Variants in SSBP2 observed in about 807,000 individuals in gnomAD.
SSBP2 encodes single-stranded DNA-binding protein 2.
A neutral mutation model predicts 61.8 loss-of-function variants in SSBP2; 17 were observed. The observed-to-expected ratio is 0.28, with a 90% CI of 0.19 to 0.41. The LOEUF (loss-of-function observed/expected upper bound fraction) is 0.41, where lower values mean the gene tolerates loss of function less well. Among genes scored for constraint, SSBP2 ranks in the 10% least tolerant of loss-of-function variants. The probability of loss-of-function intolerance (pLI) is 1.00; values close to 1 mark genes in which losing one functional copy is unlikely to be tolerated. For missense variants in SSBP2, 310 were observed against 458.7 expected, an observed-to-expected ratio of 0.68 and a Z score of 2.96; for synonymous variants, 139 against 141.3, an observed-to-expected ratio of 0.98 and a Z score of 0.12.
chr5:81,550,081 C>A (rs1388522481), intron 4 of SSBP2, among the ~76,000 whole-genome samples: 1 of 152,170 alleles, frequency 6.6e-6, no homozygotes, highest in African/African-American at 2.4e-5. Flanking sequence ...AAGACTATAT[C>A]TCACATATTT....
chr5:81,449,808 CACACA>C (rs1763649411), intron 10 of SSBP2, among the ~76,000 whole-genome samples: 1 of 152,152 alleles, frequency 6.6e-6, no homozygotes, highest in Non-Finnish European at 1.5e-5. Flanking sequence ...TTGCCTTACG[CACACA>C]ACACATGTCC....
At chr5:81,441,397 A>G (rs1763025471) in intron 13 of SSBP2, among the ~76,000 whole-genome samples, 1 of 152,218 alleles carries the variant, frequency 6.6e-6, no homozygotes. Context: ...CTAAGGAAAC[A>G]TGGAGCCCAG....
intron 4 of SSBP2, among the ~76,000 whole-genome samples, chr5:81,608,664 TAA>T (rs770617059): frequency 6.6e-6 from 1 of 152,314 alleles, no homozygotes; most frequent in Non-Finnish European, 1.5e-5. Flanking sequence ...TCAAACTTTT[TAA>T]AAGTTTTTGA....
intron 4 of SSBP2, among the ~76,000 whole-genome samples, chr5:81,546,821 C>T (rs1771761094): frequency 6.6e-6 from 1 of 151,538 alleles, no homozygotes. Flanking sequence ...CAAAAGAAAC[C>T]TGCCTTCTAA....
chr5:81,744,707 G>A (rs1432106995), intron 1 of SSBP2, among the ~76,000 whole-genome samples: 2 of 151,856 alleles, frequency 1.3e-5, no homozygotes, highest in African/African-American at 4.8e-5. Flanking sequence ...AAAATTAACA[G>A]AGAAGATCAA....
intron 6 of SSBP2, among the ~76,000 whole-genome samples, chr5:81,482,334 A>G (rs1766054658): frequency 6.6e-6 from 1 of 152,118 alleles, no homozygotes; most frequent in South Asian, 2.1e-4. Context: ...TTACCCCCTA[A>G]TAAGAGAATC....
intron 1 of SSBP2, among the ~76,000 whole-genome samples, chr5:81,678,267 C>A (rs111944839): frequency 1.7e-4 from 26 of 151,938 alleles, no homozygotes; most frequent in Non-Finnish European, 3.5e-4. Context: ...AAAAAAAATG[C>A]GGAATGTCTT....
chr5:81,584,669 T>C (rs986835497), intron 4 of SSBP2, among the ~76,000 whole-genome samples: 6 of 152,088 alleles, frequency 3.9e-5, no homozygotes, highest in East Asian at 1.9e-4. Context: ...AATTATAAAA[T>C]AGAAGAACTA....
chr5:81,465,785 T>C (rs1764850322), intron 9 of SSBP2, among the ~76,000 whole-genome samples: 1 of 151,938 alleles, frequency 6.6e-6, no homozygotes, highest in Non-Finnish European at 1.5e-5. Flanking sequence ...AAGCAACCAT[T>C]AATACAAGGC....
chr5:81,547,296 A>G (rs951504609), intron 4 of SSBP2, among the ~76,000 whole-genome samples: 12 of 152,174 alleles, frequency 7.9e-5, no homozygotes, highest in Admixed American at 7.2e-4. Flanking sequence ...TCCCCAAACA[A>G]AAATCTGCAC....
intron 4 of SSBP2, among the ~76,000 whole-genome samples, chr5:81,608,937 A>T (rs188208697): frequency 1.3e-5 from 2 of 152,332 alleles, no homozygotes; most frequent in Admixed American, 1.3e-4. Context: ...AAGAATAAAG[A>T]GGATAAAAAG....
chr5:81,716,303 C>T (rs1434357480), intron 1 of SSBP2, among the ~76,000 whole-genome samples: 1 of 152,106 alleles, frequency 6.6e-6, no homozygotes, highest in Non-Finnish European at 1.5e-5. Flanking sequence ...CCATTACAAG[C>T]CTCATAGGCC....
chr5:81,708,584 C>A (rs1453341468), intron 1 of SSBP2, among the ~76,000 whole-genome samples: 1 of 152,024 alleles, frequency 6.6e-6, no homozygotes. Context: ...AAATTCACTG[C>A]ATTTTTATTT....
At chr5:81,543,654 A>T (rs1771482687) in intron 4 of SSBP2, among the ~76,000 whole-genome samples, 1 of 152,158 alleles carries the variant, frequency 6.6e-6, no homozygotes, top group Non-Finnish European at 1.5e-5. Flanking sequence ...TCTGAATCTA[A>T]AATAAAAGTT....
chr5:81,731,831 A>G (rs1416466467), intron 1 of SSBP2, among the ~76,000 whole-genome samples: 1 of 150,808 alleles, frequency 6.6e-6, no homozygotes, highest in East Asian at 1.9e-4. Context: ...GTTATAATAA[A>G]TTATATTACA....
chr5:81,702,370 C>CA (rs1011245805), intron 1 of SSBP2, among the ~76,000 whole-genome samples: 5 of 146,000 alleles, frequency 3.4e-5, no homozygotes, highest in Middle Eastern at 3.4e-3. Context: ...ACTCCCATCT[C>CA]AAAAAAACAA....
chr5:81,706,807 A>T (rs1369162157), intron 1 of SSBP2, among the ~76,000 whole-genome samples: 1 of 152,166 alleles, frequency 6.6e-6, no homozygotes, highest in South Asian at 2.1e-4. Flanking sequence ...TAGTCTGATT[A>T]ATCTCAACTT....
chr5:81,547,151 T>C (rs1387672495), intron 4 of SSBP2, among the ~76,000 whole-genome samples: 6 of 151,494 alleles, frequency 4.0e-5, no homozygotes, highest in South Asian at 2.1e-4. Context: ...AACTCATCCA[T>C]TGCTGGCGGA....
At chr5:81,456,514 CT>C (rs1399983068) in intron 10 of SSBP2, among the ~76,000 whole-genome samples, 1 of 151,078 alleles carries the variant, frequency 6.6e-6, no homozygotes, top group East Asian at 1.9e-4. Context: ...TGTTCCGGAC[CT>C]TGTAATCAAA....
Sources: allele counts gnomAD v4.1 joint callset (sites outside exome capture counted in the v4.1 genomes callset), GRCh38; gene constraint gnomAD v4.1.1; transcripts MANE v1.5; gene names NCBI Gene and HGNC (gene_info 2026-07-23, HGNC 2026-07-21).